RASSF5: variants seen among roughly 807,000 people sequenced by gnomAD.
RASSF5 encodes ras association domain-containing protein 5.
A neutral mutation model predicts 40.5 loss-of-function variants in RASSF5; 25 were observed. The observed-to-expected ratio is 0.62, with a 90% CI of 0.45 to 0.86. The LOEUF (loss-of-function observed/expected upper bound fraction) is 0.86, where lower values mean the gene tolerates loss of function less well. Among genes scored for constraint, RASSF5 ranks in the 40% least tolerant of loss-of-function variants. The pLI, the probability that RASSF5 is intolerant of heterozygous loss-of-function variation, is 0.00. For missense variants in RASSF5, 521 were observed against 572.8 expected (o/e 0.91, Z 0.92); for synonymous variants, 246 against 252.4 (o/e 0.97, Z 0.24).
In RASSF5 at chr1:206,531,029, T is replaced by C. The variant is rs1010862333; in HGVS notation, c.458-7143T>C. On this transcript the variant is annotated intron_variant, in intron 1 of 5. Transcript: ENST00000579436. This position sits in a 1 kb window ranked among gnomAD's most constrained non-coding sequence, Gnocchi z 4.7. ...AACTAATATTATTGAACACCTAGTA[T>C]GTAGCAAGTGTTGTGTTGTTATTTA... Among the ~76,000 whole-genome samples the C allele has an allele frequency of 2.6e-5, 4 of 152,232 alleles. No individual in the cohort carries two copies. Among genetic ancestry groups the C allele is most frequent in the African/African-American group, 4.8e-5 (2 of 41,458 alleles).
intron 2 of RASSF5, among the ~76,000 whole-genome samples, chr1:206,553,330 G>A (rs1371026011): frequency 6.6e-6 from 1 of 152,154 alleles, no homozygotes; most frequent in Non-Finnish European, 1.5e-5. Context: ...AGTTGTTATG[G>A]TACCATGATC....
At chr1:206,545,345 GTT>G (rs10709687) in intron 2 of RASSF5, among the ~76,000 whole-genome samples, 34,100 of 130,272 alleles carry the variant, frequency 0.26, 4,753 homozygotes, top group East Asian at 0.52. Context: ...AATTTCTTGT[GTT>G]TTTTTTTTTT....
At chr1:206,533,819 G>A in intron 1 of RASSF5, among the ~76,000 whole-genome samples, 1 of 152,148 alleles carries the variant, frequency 6.6e-6, no homozygotes, top group East Asian at 1.9e-4. Context: ...CGGAAATATG[G>A]TAGTTGCAGG....
chr1:206,534,010 A>G (rs1303385757), intron 1 of RASSF5, among the ~76,000 whole-genome samples: 2 of 152,218 alleles, frequency 1.3e-5, no homozygotes, highest in African/African-American at 4.8e-5. Context: ...GAGGCAACAA[A>G]GGACTCTCCT....
chr1:206,538,300 G>A lies in RASSF5; in HGVS notation c.579+7G>A, dbSNP rs1553398940. 1.2e-5 allele frequency: 20 copies of A among 1,613,368 alleles called. No individual in the cohort carries two copies. In the East Asian group the frequency reaches 3.8e-4, roughly 31 times the overall value. The stretch of plus-strand genomic sequence containing the variant: ...CACCGTGACCTTCAGCCAGGTAGGT[G>A]CCAAAGCTCTCGTACCAAGCTGGGA... On this transcript the variant is annotated splice_region_variant and intron_variant, in intron 2 of 5. Coordinates refer to ENST00000579436, the MANE Select transcript of RASSF5 (RefSeq NM_182663.4).
intron 1 of RASSF5, among the ~76,000 whole-genome samples, chr1:206,530,161 A>C (rs868983582): frequency 1.4e-4 from 22 of 152,306 alleles, no homozygotes; most frequent in Non-Finnish European, 1.2e-4. Flanking sequence ...GTAACTATAG[A>C]GGTAGGAAAA....
intron 2 of RASSF5, among the ~76,000 whole-genome samples, chr1:206,577,521 G>C (rs1038361363): frequency 4.6e-5 from 7 of 152,182 alleles, no homozygotes; most frequent in Admixed American, 2.0e-4. Context: ...AGAAACTGAG[G>C]CTTAGAGATT....
At chr1:206,530,331 C>T (rs1479697544) in intron 1 of RASSF5, among the ~76,000 whole-genome samples, 1 of 151,966 alleles carries the variant, frequency 6.6e-6, no homozygotes, top group South Asian at 2.1e-4. Flanking sequence ...TCATGTTGAC[C>T]AATATCAATA....
intron 2 of RASSF5, among the ~76,000 whole-genome samples, chr1:206,545,293 C>T (rs553252383): frequency 4.6e-5 from 7 of 150,578 alleles, no homozygotes; most frequent in African/African-American, 1.5e-4. Context: ...GTTAATATGC[C>T]TGTATTTTGA....
At chr1:206,557,567 G>A (rs1044784340) in intron 2 of RASSF5, 1 of 1,613,812 alleles carries the variant, frequency 6.2e-7, no homozygotes, top group Non-Finnish European at 8.5e-7. Context: ...CGGGAACTCC[G>A]GGGTAGATGA....
intron 1 of RASSF5, among the ~76,000 whole-genome samples, chr1:206,525,841 G>A (rs1553397124): frequency 1.3e-5 from 2 of 152,150 alleles, no homozygotes; most frequent in African/African-American, 4.8e-5. Context: ...GTCGCTAAAA[G>A]TGTATGTCAA....
At chr1:206,518,485 C>T in intron 1 of RASSF5, 3 of 398,658 alleles carry the variant, frequency 7.5e-6, no homozygotes, top group Non-Finnish European at 1.3e-5. Context: ...AAGAGCCGCT[C>T]GGTCTCCAAA....
chr1:206,557,955 G>A (rs1324567217), intron 2 of RASSF5, among the ~76,000 whole-genome samples: 1 of 152,186 alleles, frequency 6.6e-6, no homozygotes, highest in Non-Finnish European at 1.5e-5. Flanking sequence ...CCCCTGGCTG[G>A]TAGATTGGCT....
Position 206,507,841 on chromosome 1 carries a change from C to T in RASSF5, c.239C>T (p.Ala80Val). ...LEPPPRASRP[A>V]RPLRPGLQQR... is the part of the protein sequence containing the mutation. ...CCCCCGCCCCGGGCCTCCCGACCCG[C>T]TCGCCCGCTCCGGCCTGGTCTGCAG... Residue 80 changes from alanine (A) to valine (V), a missense_variant, in exon 1 of 6, where the codon GCT becomes GTT. By Grantham distance (64) the Ala-to-Val change is moderately conservative. Transcript: ENST00000579436. The T allele has an allele frequency of 6.9e-7, 1 of 1,447,660 alleles. No individual in the cohort carries two copies. The highest frequency in any genetic ancestry group is 1.5e-5 in the African/African-American group (1 of 67,746). The allele number at this position is 1,447,660 out of a possible 1,614,324, so 89.7% of individuals were successfully genotyped here.
At chr1:206,514,732 T>G (rs1666705032) in intron 1 of RASSF5, among the ~76,000 whole-genome samples, 1 of 152,240 alleles carries the variant, frequency 6.6e-6, no homozygotes, top group Admixed American at 6.5e-5. Flanking sequence ...AATCCTTTTA[T>G]GTTTTGTTTC....
In RASSF5 at chr1:206,538,298, G is replaced by A; in HGVS notation, c.579+5G>A. On this transcript the variant is annotated splice_donor_5th_base_variant and intron_variant, in intron 2 of 5. Transcript: ENST00000579436. ...CTCACCGTGACCTTCAGCCAGGTAG[G>A]TGCCAAAGCTCTCGTACCAAGCTGG... The A allele has an allele frequency of 6.2e-7, 1 of 1,613,342 alleles. No homozygotes were observed.
In RASSF5 at chr1:206,507,607, C is replaced by A; in HGVS notation, c.5C>A (p.Ala2Asp). 1 of 1,513,402 alleles carries A rather than the reference C, an allele frequency of 6.6e-7. No homozygotes were observed. The highest frequency in any genetic ancestry group is 8.8e-7 in the Non-Finnish European group (1 of 1,137,248). The allele number at this position is 1,513,402 out of a possible 1,614,324, so 93.7% of individuals were successfully genotyped here. MAMASPAIGQRP... is the reference protein window; with the variant it reads MDMASPAIGQRP... ...AGCTGCCGCCACTAGCCGGGCATGG[C>A]CATGGCGTCCCCGGCCATCGGGCAG... Residue 2 changes from alanine (A) to aspartate (D), a missense_variant, in exon 1 of 6, where the codon GCC (alanine) becomes GAC (aspartate). Ala to Asp is a moderately radical substitution (Grantham distance 126, BLOSUM62 -2). Coordinates refer to ENST00000579436, the MANE Select transcript of RASSF5 (RefSeq NM_182663.4).
intron 2 of RASSF5, among the ~76,000 whole-genome samples, chr1:206,553,333 C>T (rs1667897926): frequency 6.6e-6 from 1 of 152,086 alleles, no homozygotes; most frequent in Non-Finnish European, 1.5e-5. Flanking sequence ...TGTTATGGTA[C>T]CATGATCAGA....
chr1:206,512,442 C>T (rs1666641850), intron 1 of RASSF5, among the ~76,000 whole-genome samples: 1 of 152,176 alleles, frequency 6.6e-6, no homozygotes, highest in Non-Finnish European at 1.5e-5. Flanking sequence ...GCTTGAATCC[C>T]AGGTACAGTC....
Sources: allele counts gnomAD v4.1 joint callset (sites outside exome capture counted in the v4.1 genomes callset), GRCh38; gene constraint gnomAD v4.1.1; non-coding constraint Gnocchi (gnomAD v3.1); transcripts MANE v1.5; gene names NCBI Gene and HGNC (gene_info 2026-07-23, HGNC 2026-07-21).